The following DPYSL5 variants were observed in gnomAD, a reference collection of about 807,000 sequenced individuals.
The protein encoded by DPYSL5 is dihydropyrimidinase like 5.
In DPYSL5, 9 loss-of-function variants were observed where a neutral mutation model predicts 58.4. The ratio of observed to expected loss-of-function variants is 0.15; its 90% CI spans 0.09 to 0.27. The LOEUF is 0.27. DPYSL5 is among the 10% of genes least tolerant of loss of function. DPYSL5 has a pLI of 1.00. For synonymous variants in DPYSL5, 293 were observed against 301.9 expected (o/e 0.97, Z 0.31); for missense variants, 499 against 770.6 (o/e 0.65, Z 4.17).
At chr2:26,883,672 T>C (rs982166249) in intron 1 of DPYSL5, among the ~76,000 whole-genome samples, 5 of 152,184 alleles carry the variant, frequency 3.3e-5, no homozygotes, top group Non-Finnish European at 5.9e-5. Context: ...GTGCTGAGAT[T>C]ACAGGCATGA....
intron 1 of DPYSL5, among the ~76,000 whole-genome samples, chr2:26,878,700 A>G (rs1283189014): frequency 6.6e-6 from 1 of 152,152 alleles, no homozygotes; most frequent in Non-Finnish European, 1.5e-5. Context: ...CACTGCACTC[A>G]GCATCTTGTC....
intron 5 of DPYSL5, among the ~76,000 whole-genome samples, chr2:26,930,111 T>C (rs1204281745): frequency 6.6e-6 from 1 of 152,130 alleles, no homozygotes. Flanking sequence ...ACTGCCCTGA[T>C]CAGTGCCTGT....
chr2:26,876,232 C>T (rs957515914), intron 1 of DPYSL5, among the ~76,000 whole-genome samples: 7 of 152,262 alleles, frequency 4.6e-5, no homozygotes, highest in Non-Finnish European at 1.0e-4. Flanking sequence ...TTGTCCAGGG[C>T]CCTGGTGAAC....
At chr2:26,881,693 C>A (rs1380461110) in intron 1 of DPYSL5, among the ~76,000 whole-genome samples, 2 of 152,242 alleles carry the variant, frequency 1.3e-5, no homozygotes, top group African/African-American at 4.8e-5. Context: ...AGCCTGGGAA[C>A]ACATTTTAAG....
rs34064589 is a variant in DPYSL5, at chr2:26,943,676, T to G, written c.1440+926T>G. ...AGCAGTTGGAACAGCTTTACACATA[T>G]TAATTCGTCTGCTCTCCTGCAACTC... is the stretch of plus-strand genomic sequence containing the variant. On this transcript the variant is annotated intron_variant, in intron 11 of 12. Transcript: ENST00000288699. 4.7e-3 allele frequency among the ~76,000 whole-genome samples: 710 copies of G among 152,350 alleles called. 2 individuals carry two copies. The highest frequency in any genetic ancestry group is 7.6e-3 in the Non-Finnish European group (514 of 68,034).
chr2:26,905,024 G>A lies in DPYSL5; in HGVS notation c.261+6264G>A, dbSNP rs1041231096. 6.6e-6 allele frequency among the ~76,000 whole-genome samples: 1 copy of A among 152,178 alleles called. No homozygotes were observed. Among genetic ancestry groups the A allele is most frequent in the Non-Finnish European group, 1.5e-5 (1 of 68,036 alleles). ...CCTGTTCAAGGCCTCCTGAGACCTC[G>A]GGACTGAACAATCACCCCTTTCAGC... On this transcript the variant is annotated intron_variant, in intron 2 of 12. Coordinates refer to ENST00000288699, the MANE Select transcript of DPYSL5 (RefSeq NM_020134.4). The surrounding 1 kb of genome is among the most constrained non-coding windows in gnomAD (Gnocchi z 4.0).
Position 26,924,965 on chromosome 2 carries a change from G to C in DPYSL5, c.340G>C (p.Glu114Gln). 1 of 1,614,182 alleles carries C rather than the reference G, an allele frequency of 6.2e-7. No individual in the cohort carries two copies. The highest frequency in any genetic ancestry group is 8.5e-7 in the Non-Finnish European group (1 of 1,180,028). The change falls in exon 3 of 13, where the codon GAG becomes CAG. Residue 114 changes from glutamate (E) to glutamine (Q), a missense_variant. Transcript: ENST00000288699. This position sits in a 1 kb window ranked among gnomAD's most constrained non-coding sequence, Gnocchi z 4.7. Reference sequence around the variant, plus strand: ...GGAGACCTCCCTTGTGGACGCTTATGAGAAGTGCCGAGGTCTGGCCGACCC... The same window carrying C: ...GGAGACCTCCCTTGTGGACGCTTATCAGAAGTGCCGAGGTCTGGCCGACCC... ...DKETSLVDAYEKCRGLADPKV... is the reference protein window; with the variant it reads ...DKETSLVDAYQKCRGLADPKV...
intron 1 of DPYSL5, among the ~76,000 whole-genome samples, chr2:26,858,242 G>A (rs1665927568): frequency 7.9e-6 from 1 of 126,370 alleles, no homozygotes; most frequent in Admixed American, 8.7e-5. Context: ...CGCGATCTCG[G>A]CTCACTGCAA....
At position 26,863,807 on chromosome 2, in the gene DPYSL5, A is replaced by G. The variant is rs574500999; in HGVS notation, c.-5+15553A>G. Among the ~76,000 whole-genome samples the G allele has an allele frequency of 6.6e-5, 10 of 152,294 alleles. No individual in the cohort carries two copies. In the South Asian group the frequency reaches 2.1e-3, roughly 32 times the overall value. ...GGGATTGGCTGATTCTAAACATTTCATATACATAGAATCGTACAATATGTG... is the reference window on the plus strand; with the variant it reads ...GGGATTGGCTGATTCTAAACATTTCGTATACATAGAATCGTACAATATGTG... On this transcript the variant is annotated intron_variant, in intron 1 of 12. Coordinates refer to ENST00000288699, the MANE Select transcript of DPYSL5 (RefSeq NM_020134.4).
At chr2:26,910,835 C>T (rs1230188042) in intron 2 of DPYSL5, among the ~76,000 whole-genome samples, 1 of 151,744 alleles carries the variant, frequency 6.6e-6, no homozygotes, top group African/African-American at 2.4e-5. Flanking sequence ...CTGTTACTTA[C>T]TTTTTCATTT....
rs1369190760 is a variant in DPYSL5, at chr2:26,934,523, C to T, written c.791-55C>T. ...CTGTAAAATGAGAGGCACACACCAG[C>T]GATCGCTCAGGTTCGGTGGCTTCCT... On this transcript the variant is annotated intron_variant, in intron 7 of 12. Transcript: ENST00000288699. This position sits in a 1 kb window ranked among gnomAD's most constrained non-coding sequence, Gnocchi z 4.3. 1.3e-6 allele frequency: 2 copies of T among 1,575,896 alleles called. No individual in the cohort carries two copies. The highest frequency in any genetic ancestry group is 1.7e-5 in the Admixed American group (1 of 58,330).
chr2:26,868,467 T>C (rs977841808), intron 1 of DPYSL5, among the ~76,000 whole-genome samples: 3 of 152,228 alleles, frequency 2.0e-5, no homozygotes, highest in African/African-American at 7.2e-5. Flanking sequence ...TATTGTTTTA[T>C]GTTTTACATT....
At chr2:26,946,426 C>A (rs1326057889) in intron 12 of DPYSL5, among the ~76,000 whole-genome samples, 4 of 149,154 alleles carry the variant, frequency 2.7e-5, no homozygotes, top group Admixed American at 1.3e-4. Flanking sequence ...TTTTTTTTTT[C>A]AATCCTTCTC....
At chr2:26,911,282 G>A (rs372855892) in intron 2 of DPYSL5, among the ~76,000 whole-genome samples, 24 of 152,078 alleles carry the variant, frequency 1.6e-4, no homozygotes, top group African/African-American at 5.5e-4. Context: ...TCTTGAAAGC[G>A]GGCAGTGTAT....
intron 1 of DPYSL5, among the ~76,000 whole-genome samples, chr2:26,863,714 T>C (rs942611209): frequency 3.3e-5 from 5 of 152,144 alleles, no homozygotes; most frequent in Non-Finnish European, 7.4e-5. Context: ...CACTCTCTGT[T>C]TCTTCCACTA....
chr2:26,880,236 C>T (rs1663523093), intron 1 of DPYSL5, among the ~76,000 whole-genome samples: 1 of 152,186 alleles, frequency 6.6e-6, no homozygotes, highest in Non-Finnish European at 1.5e-5. Flanking sequence ...TTTCCTTTCC[C>T]TCCAGGGAAC....
At chr2:26,918,904 G>A (rs931653767) in intron 2 of DPYSL5, among the ~76,000 whole-genome samples, 6 of 152,268 alleles carry the variant, frequency 3.9e-5, no homozygotes, top group Admixed American at 2.0e-4. Flanking sequence ...ATAGCAGAGC[G>A]CAAAGTTTGT....
intron 1 of DPYSL5, among the ~76,000 whole-genome samples, chr2:26,866,848 C>T (rs1666155855): frequency 6.6e-6 from 1 of 151,596 alleles, no homozygotes; most frequent in Admixed American, 6.6e-5. Flanking sequence ...TCTCCTGCCT[C>T]AGCCTCCTCA....
At position 26,907,333 on chromosome 2, in the gene DPYSL5, C is replaced by T. The variant is rs183744746; in HGVS notation, c.261+8573C>T. On this transcript the variant is annotated intron_variant, in intron 2 of 12. Transcript: ENST00000288699. Reference sequence around the variant, plus strand: ...TTCTCCATGTTGGTCAGGCTAGTCTCGAACTCCTGACCTCAAGTGATCCAT... The same window carrying T: ...TTCTCCATGTTGGTCAGGCTAGTCTTGAACTCCTGACCTCAAGTGATCCAT... 7.0e-4 allele frequency among the ~76,000 whole-genome samples: 107 copies of T among 151,928 alleles called. No homozygotes were observed. In the East Asian group the frequency reaches 8.2e-3, roughly 12 times the overall value.
Sources: gnomAD v4.1 joint callset for allele counts (sites outside exome capture counted in the v4.1 genomes callset) on GRCh38, gnomAD v4.1.1 for gene constraint, Gnocchi (gnomAD v3.1) non-coding constraint, MANE v1.5 for transcripts, NCBI Gene and HGNC (gene_info 2026-07-23, HGNC 2026-07-21) for gene names.